Variants in ADAM10 observed in about 807,000 individuals in gnomAD.
ADAM10 encodes disintegrin and metalloproteinase domain-containing protein 10.
In ADAM10, 17 loss-of-function variants were observed where a neutral mutation model predicts 90.1. The observed-to-expected ratio is 0.19, with a 90% CI of 0.13 to 0.28. The LOEUF is 0.28. ADAM10 is among the 10% of genes least tolerant of loss of function. The pLI is 1.00. For missense variants in ADAM10, 610 were observed against 914.3 expected (o/e 0.67, Z 4.29); for synonymous variants, 310 against 298.6 (o/e 1.04, Z -0.40).
chr15:58,686,263 G>C, intron 2 of ADAM10: 1 of 577,876 alleles, frequency 1.7e-6, no homozygotes, highest in East Asian at 2.8e-5. Context: ...AAGCACAGAA[G>C]ACAGACTTTG....
intron 14 of ADAM10, among the ~76,000 whole-genome samples, chr15:58,600,298 T>TGGG (rs1159551536): frequency 6.6e-6 from 1 of 152,196 alleles, no homozygotes; most frequent in African/African-American, 2.4e-5. Context: ...TTAGAAAGCA[T>TGGG]GTAACTTGCT....
intron 1 of ADAM10, among the ~76,000 whole-genome samples, chr15:58,739,490 C>A (rs560065051): frequency 6.6e-6 from 1 of 151,870 alleles, no homozygotes; most frequent in African/African-American, 2.4e-5. Flanking sequence ...GCACTCCAGC[C>A]GGGGTGACAG....
At chr15:58,606,726 C>T (rs1895286337) in intron 14 of ADAM10, among the ~76,000 whole-genome samples, 1 of 152,132 alleles carries the variant, frequency 6.6e-6, no homozygotes, top group African/African-American at 2.4e-5. Flanking sequence ...TATTAGCACG[C>T]ACCATCACCT....
At position 58,592,676 on chromosome 15, in the gene ADAM10, TGA is replaced by T. The variant is rs1184426166; in HGVS notation, c.*4869_*4870del. ...TAAAGCTAATCAACTGAATTAAGCA[TGA>T]GTCTTCTATTATTGTTTCTAATACA... is the stretch of plus-strand genomic sequence containing the variant. On this transcript the variant is annotated 3_prime_UTR_variant, in exon 16 of 16. Coordinates refer to ENST00000260408, the MANE Select transcript of ADAM10 (RefSeq NM_001110.4). The T allele has an allele frequency of 6.6e-6, 1 of 152,018 alleles. No homozygotes were observed. The highest frequency in any genetic ancestry group is 1.9e-4 in the East Asian group (1 of 5,196). The allele number at this position is 152,018 out of a possible 1,614,324, so 9.4% of individuals were successfully genotyped here.
At chr15:58,681,275 T>A (rs1423505350) in intron 3 of ADAM10, among the ~76,000 whole-genome samples, 1 of 152,110 alleles carries the variant, frequency 6.6e-6, no homozygotes, top group Non-Finnish European at 1.5e-5. Context: ...AATCTACTGA[T>A]GAAAAACGCT....
intron 2 of ADAM10, among the ~76,000 whole-genome samples, chr15:58,683,099 A>T (rs1204788029): frequency 6.6e-6 from 1 of 152,176 alleles, no homozygotes; most frequent in African/African-American, 2.4e-5. Context: ...AATATTAGAG[A>T]TTTTATAACG....
chr15:58,678,647 T>C (rs1246814597), intron 4 of ADAM10, among the ~76,000 whole-genome samples: 1 of 152,190 alleles, frequency 6.6e-6, no homozygotes, highest in Non-Finnish European at 1.5e-5. Flanking sequence ...ACGTGGACTC[T>C]TGAAGTCAAG....
intron 4 of ADAM10, chr15:58,676,016 AT>A (rs1897297273): frequency 5.5e-6 from 1 of 180,550 alleles, no homozygotes; most frequent in African/African-American, 2.4e-5. Flanking sequence ...TTATATAAAA[AT>A]AATAATACAC....
intron 1 of ADAM10, among the ~76,000 whole-genome samples, chr15:58,729,159 A>G (rs1292426454): frequency 6.6e-6 from 1 of 152,104 alleles, no homozygotes; most frequent in Non-Finnish European, 1.5e-5. Flanking sequence ...GGAGTTTGAA[A>G]CCAGCCTGGG....
In ADAM10 at chr15:58,700,372, G is replaced by T. The variant is rs536820758; in HGVS notation, c.206+17205C>A. On this transcript the variant is annotated intron_variant, in intron 2 of 15. Transcript: ENST00000260408. ...ACGTTTCAACAAATTTTTTTAAATA[G>T]AAATCATATCAAGTCAGACTACAAA... 1.8e-3 allele frequency among the ~76,000 whole-genome samples: 281 copies of T among 152,216 alleles called. 1 individual carries two copies. Among genetic ancestry groups the T allele is most frequent in the Non-Finnish European group, 3.2e-3 (219 of 68,002 alleles).
intron 1 of ADAM10, among the ~76,000 whole-genome samples, chr15:58,733,350 C>G (rs1595666462): frequency 1.3e-5 from 2 of 152,132 alleles, no homozygotes; most frequent in Admixed American, 1.3e-4. Context: ...GTGGAAATGA[C>G]CCAGCTCCTG....
At position 58,590,245 on chromosome 15, in the gene ADAM10, T is replaced by A. The variant is rs1462613139; in HGVS notation, c.*7302A>T. The A allele has an allele frequency of 6.6e-6, 1 of 152,224 alleles. No individual in the cohort carries two copies. The highest frequency in any genetic ancestry group is 1.9e-4 in the East Asian group (1 of 5,188). The allele number at this position is 152,224 out of a possible 1,614,324, so 9.4% of individuals were successfully genotyped here. On this transcript the variant is annotated 3_prime_UTR_variant, in exon 16 of 16. Transcript: ENST00000260408. The stretch of plus-strand genomic sequence containing the variant: ...CTCCTTTCTCAGTCCTATCTCTGCA[T>A]GATCAGCTCTTGGATCACCAAAAAC...
intron 14 of ADAM10, among the ~76,000 whole-genome samples, chr15:58,600,618 T>C (rs2140988031): frequency 1.3e-5 from 2 of 152,296 alleles, no homozygotes; most frequent in South Asian, 4.1e-4. Context: ...AAAACTTCTA[T>C]TTTAACCTGA....
At chr15:58,669,109 T>C (rs1388088903) in intron 4 of ADAM10, among the ~76,000 whole-genome samples, 1 of 152,064 alleles carries the variant, frequency 6.6e-6, no homozygotes, top group Non-Finnish European at 1.5e-5. Context: ...TTAAGAAAAA[T>C]TATTATATAC....
At chr15:58,734,614 C>T (rs1373299329) in intron 1 of ADAM10, among the ~76,000 whole-genome samples, 2 of 151,320 alleles carry the variant, frequency 1.3e-5, no homozygotes, top group Non-Finnish European at 2.9e-5. Context: ...GTGGGAGGAT[C>T]GCTTGAACCT....
intron 2 of ADAM10, among the ~76,000 whole-genome samples, chr15:58,701,727 A>T (rs1175150536): frequency 6.6e-6 from 1 of 152,244 alleles, no homozygotes; most frequent in Non-Finnish European, 1.5e-5. Flanking sequence ...CAAGATATGT[A>T]ATCAACTAAG....
intron 14 of ADAM10, 26 bp downstream of exon 14, chr15:58,610,271 T>C (rs1394462854): frequency 1.2e-6 from 2 of 1,603,562 alleles, no homozygotes; most frequent in Non-Finnish European, 1.7e-6. Flanking sequence ...CTTTAAGTTT[T>C]CTTTGTAAAT....
At chr15:58,658,791 T>C (rs767598509) in intron 5 of ADAM10, among the ~76,000 whole-genome samples, 3 of 152,226 alleles carry the variant, frequency 2.0e-5, no homozygotes, top group Non-Finnish European at 4.4e-5. Context: ...TGCCAGTATA[T>C]AGAATACGAC....
chr15:58,633,431 T>C, intron 8 of ADAM10, 72 bp from the exon 9 acceptor site: 2 of 1,266,662 alleles, frequency 1.6e-6, no homozygotes, highest in Non-Finnish European at 2.3e-6. Context: ...ATACATGCTA[T>C]ATTAAATGAA....
Sources: allele counts gnomAD v4.1 joint callset (sites outside exome capture counted in the v4.1 genomes callset), GRCh38; gene constraint gnomAD v4.1.1; transcripts MANE v1.5; gene names NCBI Gene and HGNC (gene_info 2026-07-23, HGNC 2026-07-21).